The following ZDHHC14 variants were observed in gnomAD, a reference collection of about 807,000 sequenced individuals.
ZDHHC14 encodes the protein zDHHC palmitoyltransferase 14.
ZDHHC14 carries 16 observed loss-of-function variants against 47.7 expected under a neutral mutation model. That is an observed-to-expected ratio of 0.34 (90% CI 0.23 to 0.51). ZDHHC14 has a LOEUF of 0.51. Ranked by LOEUF, ZDHHC14 falls within the 20% of genes least tolerant of loss-of-function variation. ZDHHC14 has a pLI of 0.97. For missense variants in ZDHHC14, 515 were observed against 662.5 expected (o/e 0.78, Z 2.44); for synonymous variants, 293 against 278.9 (o/e 1.05, Z -0.50).
chr6:157,590,812 GAA>G (rs1412196655), intron 2 of ZDHHC14, among the ~76,000 whole-genome samples: 1 of 152,224 alleles, frequency 6.6e-6, no homozygotes, highest in African/African-American at 2.4e-5. Context: ...CAGAAACGCT[GAA>G]GACATTCAAC....
At chr6:157,549,919 C>T (rs756565543) in intron 2 of ZDHHC14, among the ~76,000 whole-genome samples, 3 of 152,168 alleles carry the variant, frequency 2.0e-5, no homozygotes, top group African/African-American at 4.8e-5. Context: ...AACATATTTC[C>T]GTGATTTTGA....
chr6:157,397,860 C>A (rs981479020), intron 1 of ZDHHC14, among the ~76,000 whole-genome samples: 1 of 152,158 alleles, frequency 6.6e-6, no homozygotes, highest in East Asian at 1.9e-4. Flanking sequence ...GGCTGACCAC[C>A]GTGTCCATCA....
intron 1 of ZDHHC14, among the ~76,000 whole-genome samples, chr6:157,484,968 C>G (rs979284491): frequency 2.6e-5 from 4 of 152,058 alleles, no homozygotes; most frequent in African/African-American, 9.7e-5. Flanking sequence ...TGTGATGGCA[C>G]GTGCCTATAG....
At chr6:157,665,879 TGTG>T (rs1340750599) in intron 8 of ZDHHC14, among the ~76,000 whole-genome samples, 1 of 152,144 alleles carries the variant, frequency 6.6e-6, no homozygotes, top group African/African-American at 2.4e-5. Flanking sequence ...AAAGCAATAA[TGTG>T]ATGGGTGTGA....
At chr6:157,399,538 TG>T (rs1307076830) in intron 1 of ZDHHC14, among the ~76,000 whole-genome samples, 2 of 152,236 alleles carry the variant, frequency 1.3e-5, no homozygotes, top group Non-Finnish European at 1.5e-5. Context: ...AAACAGTTGT[TG>T]TTATTGTACT....
At chr6:157,415,635 G>A (rs550523187) in intron 1 of ZDHHC14, among the ~76,000 whole-genome samples, 22 of 152,318 alleles carry the variant, frequency 1.4e-4, no homozygotes, top group Middle Eastern at 3.4e-3. Flanking sequence ...AGCACTTGGG[G>A]AGGCCAAGGT....
chr6:157,386,185 A>C (rs1232691640), intron 1 of ZDHHC14, among the ~76,000 whole-genome samples: 1 of 152,054 alleles, frequency 6.6e-6, no homozygotes, highest in Non-Finnish European at 1.5e-5. Flanking sequence ...GACTGTGAAA[A>C]AGCTCACGAC....
Position 157,661,746 on chromosome 6 carries a change from G to GTACA in ZDHHC14, c.1068+8119_1068+8120insTACA, listed in dbSNP as rs1356062571. Among the ~76,000 whole-genome samples the GTACA allele has an allele frequency of 5.9e-5, 9 of 152,298 alleles. No individual in the cohort carries two copies. The East Asian group carries it at 1.7e-3, about 29-fold the overall frequency. On this transcript the variant is annotated intron_variant, in intron 8 of 8. Coordinates refer to ENST00000359775, the MANE Select transcript of ZDHHC14 (RefSeq NM_024630.3). ...AAGTTATACTGAGGTTCACCTCCCT[G>GTACA]GCCTGTAGTGAGGATTGACTGAGAT...
At chr6:157,538,969 G>T (rs1184612239) in intron 1 of ZDHHC14, among the ~76,000 whole-genome samples, 1 of 152,114 alleles carries the variant, frequency 6.6e-6, no homozygotes, top group Non-Finnish European at 1.5e-5. Context: ...GACTGTGGGG[G>T]ACTTGGACAC....
chr6:157,438,652 C>A (rs574238965), intron 1 of ZDHHC14, among the ~76,000 whole-genome samples: 1 of 152,362 alleles, frequency 6.6e-6, no homozygotes, highest in South Asian at 2.1e-4. Context: ...CTTTGTAAGA[C>A]TTTCTCAGGG....
chr6:157,432,845 G>A (rs1778364763), intron 1 of ZDHHC14, among the ~76,000 whole-genome samples: 1 of 152,230 alleles, frequency 6.6e-6, no homozygotes, highest in African/African-American at 2.4e-5. Flanking sequence ...CATGCTTCTG[G>A]AAGTTGCCAG....
intron 1 of ZDHHC14, among the ~76,000 whole-genome samples, chr6:157,423,723 C>T (rs1250418307): frequency 6.6e-6 from 1 of 152,184 alleles, no homozygotes; most frequent in African/African-American, 2.4e-5. Context: ...GCATCCCAAC[C>T]TACAGGCTAA....
chr6:157,458,849 A>ATTTTTTTTGTTTTTTTTTT (rs1778992327), intron 1 of ZDHHC14, among the ~76,000 whole-genome samples: 1 of 81,226 alleles, frequency 1.2e-5, no homozygotes, highest in Non-Finnish European at 2.3e-5. Flanking sequence ...ATGTGGGTGG[A>ATTTTTTTTGTTTTTTTTTT]TTTTTTTTTT....
At chr6:157,662,714 G>T (rs1778397582) in intron 8 of ZDHHC14, among the ~76,000 whole-genome samples, 1 of 152,226 alleles carries the variant, frequency 6.6e-6, no homozygotes, top group Non-Finnish European at 1.5e-5. Flanking sequence ...TGAAGTTATG[G>T]CCATGGTGGG....
chr6:157,504,192 ATT>A (rs113781730), intron 1 of ZDHHC14, among the ~76,000 whole-genome samples: 3 of 151,306 alleles, frequency 2.0e-5, no homozygotes, highest in African/African-American at 4.8e-5. Flanking sequence ...GCATATATAT[ATT>A]TTTTTTTTGT....
In ZDHHC14 at chr6:157,672,852, G is replaced by A. The variant is rs781434657; in HGVS notation, c.1197G>A (p.Thr399=). ...LHLPGKPGLG[T]PCASLTLGPP... is the part of the protein sequence containing the mutation. ...TGCCCGGGAAGCCTGGCCTGGGCACGCCCTGCGCCAGCCTCACACTGGGCC... is the reference window on the plus strand; with the variant it reads ...TGCCCGGGAAGCCTGGCCTGGGCACACCCTGCGCCAGCCTCACACTGGGCC... The change falls in exon 9 of 9, where the codon ACG becomes ACA. Residue 399 remains threonine (T), a synonymous_variant. Transcript: ENST00000359775. The A allele has an allele frequency of 9.3e-6, 15 of 1,609,894 alleles. No homozygotes were observed. The highest frequency in any genetic ancestry group is 5.3e-5 in the African/African-American group (4 of 74,954).
At chr6:157,639,679 C>T (rs1002450083) in intron 5 of ZDHHC14, among the ~76,000 whole-genome samples, 6 of 152,076 alleles carry the variant, frequency 3.9e-5, no homozygotes, top group Non-Finnish European at 8.8e-5. Flanking sequence ...CGGGGGAAAT[C>T]GGTGGCAGAG....
intron 1 of ZDHHC14, among the ~76,000 whole-genome samples, chr6:157,454,865 T>A (rs571894244): frequency 5.3e-5 from 8 of 152,304 alleles, no homozygotes; most frequent in Admixed American, 5.2e-4. Flanking sequence ...GACATGGTGT[T>A]AAATATTCCT....
intron 5 of ZDHHC14, among the ~76,000 whole-genome samples, chr6:157,641,364 C>T (rs1190881451): frequency 6.6e-6 from 1 of 152,184 alleles, no homozygotes; most frequent in East Asian, 1.9e-4. Context: ...GTCCCCACAC[C>T]TTTATGGCAC....
Sources: allele counts gnomAD v4.1 joint callset (sites outside exome capture counted in the v4.1 genomes callset), GRCh38; gene constraint gnomAD v4.1.1; transcripts MANE v1.5; gene names NCBI Gene and HGNC (gene_info 2026-07-23, HGNC 2026-07-21).